ZNF335: variants seen among roughly 807,000 people sequenced by gnomAD.
ZNF335 encodes zinc finger protein 335.
Under a neutral mutation model 145.6 loss-of-function variants are expected in ZNF335, and 84 were observed. That is an observed-to-expected ratio of 0.58 (90% CI 0.48 to 0.69). The LOEUF (loss-of-function observed/expected upper bound fraction) is 0.69. Ranked by LOEUF, ZNF335 falls within the 30% of genes least tolerant of loss-of-function variation. The probability of loss-of-function intolerance (pLI) is 0.00; values close to 1 mark genes in which losing one functional copy is unlikely to be tolerated. For missense variants in ZNF335, 1,865 were observed against 1,809.7 expected, an observed-to-expected ratio of 1.03 and a Z score of -0.55; for synonymous variants, 761 against 717.0, an observed-to-expected ratio of 1.06 and a Z score of -0.98.
intron 17 of ZNF335, among the ~76,000 whole-genome samples, chr20:45,955,080 G>C (rs1048471051): frequency 8.6e-5 from 13 of 152,008 alleles, no homozygotes; most frequent in South Asian, 2.1e-4. Flanking sequence ...GCCGGGCGTG[G>C]TGGCTCACGC....
chr20:45,957,429 T>C (rs998187583), intron 17 of ZNF335, among the ~76,000 whole-genome samples, 157 bp downstream of exon 17: 1 of 152,240 alleles, frequency 6.6e-6, no homozygotes, highest in Non-Finnish European at 1.5e-5. Context: ...CCTCTCTGTT[T>C]GCCCACCAGA....
intron 10 of ZNF335, 32 bp from the exon 11 acceptor site, chr20:45,960,914 A>G (rs758855352): frequency 1.1e-5 from 17 of 1,612,036 alleles, no homozygotes; most frequent in African/African-American, 8.0e-5. Context: ...ATTAGACCAG[A>G]GCTTCCCCAA....
intron 17 of ZNF335, among the ~76,000 whole-genome samples, chr20:45,956,219 ATTTTTTTC>A (rs937438031): frequency 6.0e-5 from 9 of 150,432 alleles, no homozygotes; most frequent in South Asian, 4.2e-4. Context: ...CCTAATGTTC[ATTTTTTTC>A]TTTTTTTCTT....
At chr20:45,952,963 GCA>G (rs910984261) in intron 18 of ZNF335, among the ~76,000 whole-genome samples, 1 of 151,892 alleles carries the variant, frequency 6.6e-6, no homozygotes, top group Admixed American at 6.6e-5. Flanking sequence ...GAGGTGGGGG[GCA>G]CACAGTGAGG....
At position 45,959,162 on chromosome 20, in the gene ZNF335, G is replaced by A. The variant is rs56295229; in HGVS notation, c.2253+39C>T. ...AAATGATGCTGGGGCTGGGAGAAGC[G>A]GCCTCACTCTGTCATCCTGACCCAT... On this transcript the variant is annotated intron_variant, in intron 15 of 27. Coordinates refer to ENST00000322927, the MANE Select transcript of ZNF335 (RefSeq NM_022095.4). The A allele has an allele frequency of 0.064, 84,521 of 1,311,750 alleles. 3,101 individuals are homozygous for A. Among genetic ancestry groups the A allele is most frequent in the Non-Finnish European group, 0.076 (76,730 of 1,012,704 alleles). 81.3% of individuals were successfully genotyped at this position (1,311,750 alleles called of 1,614,324 possible). A position where few individuals can be genotyped will look rare whatever the true frequency, so the allele number is the denominator to read the frequency against.
chr20:45,969,922 G>A, intron 2 of ZNF335: 2 of 444,668 alleles, frequency 4.5e-6, no homozygotes, highest in South Asian at 5.3e-5. Context: ...ACAAAAATAA[G>A]AGAAGGGACT....
chr20:45,955,350 CAAAA>C (rs61555698), intron 17 of ZNF335, among the ~76,000 whole-genome samples: 8 of 37,322 alleles, frequency 2.1e-4, no homozygotes, highest in South Asian at 1.7e-3. Context: ...GACTCTGTCT[CAAAA>C]AAAAAAAAAA....
intron 17 of ZNF335, among the ~76,000 whole-genome samples, chr20:45,955,073 G>A (rs1037834595): frequency 2.6e-5 from 4 of 152,080 alleles, no homozygotes; most frequent in Non-Finnish European, 4.4e-5. Flanking sequence ...GACTGAGGCC[G>A]GGCGTGGTGG....
Position 45,950,351 on chromosome 20 carries a change from T to G in ZNF335, c.3355A>C (p.Lys1119Gln), listed in dbSNP as rs765353918. 26 of 1,589,098 alleles carry G rather than the reference T, an allele frequency of 1.6e-5. No individual in the cohort carries two copies. Among genetic ancestry groups the G allele is most frequent in the African/African-American group, 2.7e-5 (2 of 74,544 alleles). Residue 1119 changes from lysine to glutamine, a missense_variant, in exon 22 of 28, where the codon AAG becomes CAG. Transcript: ENST00000322927. Reference protein sequence around the residue: ...GQRFNRNGHLKFHIQRLHSPD... With the variant: ...GQRFNRNGHLQFHIQRLHSPD... ...CTGTGCAGCCGCTGGATGTGGAACT[T>G]GAGGTGCCCGTTACGGTTGAAACTG...
At position 45,949,833 on chromosome 20, in the gene ZNF335, C is replaced by G. The variant is rs1277670021; in HGVS notation, c.3636G>C (p.Gln1212His). ...CGGAGGTCACCAGGTGCTGTACGGTCTGGCCATCTGCCGTGGTGATCTCTT... is the reference window on the plus strand; with the variant it reads ...CGGAGGTCACCAGGTGCTGTACGGTGTGGCCATCTGCCGTGGTGATCTCTT... ...YIQEITTADG[Q>H]TVQHLVTSDN... The change falls in exon 24 of 28, where the codon CAG (glutamine) becomes CAC (histidine). Residue 1212 changes from glutamine to histidine, a missense_variant. Coordinates refer to ENST00000322927, the MANE Select transcript of ZNF335 (RefSeq NM_022095.4). 2 of 1,614,124 alleles carry G rather than the reference C, an allele frequency of 1.2e-6. No individual in the cohort carries two copies. Among genetic ancestry groups the G allele is most frequent in the Admixed American group, 1.7e-5 (1 of 60,024 alleles).
chr20:45,955,879 T>A (rs1440467501), intron 17 of ZNF335, among the ~76,000 whole-genome samples: 3 of 151,962 alleles, frequency 2.0e-5, no homozygotes, highest in Non-Finnish European at 4.4e-5. Context: ...CTGCTTGAAT[T>A]AATATAAAAC....
In ZNF335 at chr20:45,962,090, G is replaced by A. The variant is rs199782440; in HGVS notation, c.1626C>T (p.Ala542=). 3.7e-5 allele frequency: 58 copies of A among 1,566,218 alleles called. No homozygotes were observed. In the African/African-American group the frequency reaches 4.0e-4, roughly 11 times the overall value. ...CTGACCGGTCCCGGCTGTGCACAGC[G>A]GCGTGCCGAATGACGTCCTTCCGGT... ...SVYRKDVIRH[A]AVHSRDRKKR... The change falls in exon 10 of 28, where the codon GCC becomes GCT. Residue 542 remains alanine, a synonymous_variant. Coordinates refer to ENST00000322927, the MANE Select transcript of ZNF335 (RefSeq NM_022095.4).
intron 26 of ZNF335, 31 bp from the exon 27 acceptor site, chr20:45,949,282 C>T (rs772185509): frequency 1.2e-6 from 2 of 1,613,948 alleles, no homozygotes; most frequent in East Asian, 2.2e-5. Flanking sequence ...AGATGCTGGC[C>T]TGGAGAAACC....
chr20:45,961,206 C>T (rs572055333), intron 10 of ZNF335, among the ~76,000 whole-genome samples: 100 of 152,186 alleles, frequency 6.6e-4, no homozygotes, highest in Admixed American at 1.0e-3. Flanking sequence ...AACAAGACAT[C>T]GTCTCTACAA....
At chr20:45,958,096 T>G (rs991059266) in intron 15 of ZNF335, among the ~76,000 whole-genome samples, 168 bp from the exon 16 acceptor site, 1 of 151,870 alleles carries the variant, frequency 6.6e-6, no homozygotes, top group African/African-American at 2.4e-5. Context: ...TCATGCAGGC[T>G]GGAGTACAAT....
intron 7 of ZNF335, 120 bp from the exon 8 acceptor site, chr20:45,964,110 G>A: frequency 4.8e-6 from 6 of 1,257,796 alleles, no homozygotes; most frequent in Non-Finnish European, 6.4e-6. Context: ...ACTGATGGGT[G>A]CATTGAGTCA....
In ZNF335 at chr20:45,949,829, CG is replaced by C. The variant is rs1568803365; in HGVS notation, c.3639del (p.Val1214TyrfsTer5). 2 of 1,614,116 alleles carry C rather than the reference CG, an allele frequency of 1.2e-6. No homozygotes were observed. The highest frequency in any genetic ancestry group is 2.2e-5 in the South Asian group (2 of 91,086). ...IQEITTADGQ[T>X]VQHLVTSDNQ... ...TTGTCGGAGGTCACCAGGTGCTGTA[CG>C]GTCTGGCCATCTGCCGTGGTGATCT... On this transcript the variant is annotated frameshift_variant, in exon 24 of 28. Transcript: ENST00000322927. LOFTEE classifies it high-confidence loss of function.
At chr20:45,958,167 C>G (rs2083763975) in intron 15 of ZNF335, among the ~76,000 whole-genome samples, 1 of 151,950 alleles carries the variant, frequency 6.6e-6, no homozygotes, top group African/African-American at 2.4e-5. Context: ...TGTGTCTCAG[C>G]CTCCTGAATA....
Position 45,950,089 on chromosome 20 carries a change from T to C in ZNF335, c.3488-20A>G. Reference sequence around the variant, plus strand: ...GTGCAGCTGGGCAGAGAGGAGAGGATGCTCACCTGGGGTCCAGGAAAACCT... The same window carrying C: ...GTGCAGCTGGGCAGAGAGGAGAGGACGCTCACCTGGGGTCCAGGAAAACCT... On this transcript the variant is annotated intron_variant, in intron 22 of 27. Transcript: ENST00000322927. 1 of 1,612,562 alleles carries C rather than the reference T, an allele frequency of 6.2e-7. No homozygotes were observed. Among genetic ancestry groups the C allele is most frequent in the Non-Finnish European group, 8.5e-7 (1 of 1,179,330 alleles).
Sources: allele counts gnomAD v4.1 joint callset (sites outside exome capture counted in the v4.1 genomes callset), GRCh38; gene constraint gnomAD v4.1.1; transcripts MANE v1.5; gene names NCBI Gene and HGNC (gene_info 2026-07-23, HGNC 2026-07-21).